Variants in ARL3 observed in about 807,000 individuals in gnomAD.
ARL3 encodes the protein ARF like GTPase 3.
Under a neutral mutation model 26.0 loss-of-function variants are expected in ARL3, and 9 were observed. The ratio of observed to expected loss-of-function variants is 0.35; its 90% CI spans 0.21 to 0.60. ARL3 has a LOEUF of 0.60. Among genes scored for constraint, ARL3 ranks in the 20% least tolerant of loss-of-function variants. The pLI is 0.78. For synonymous variants in ARL3, 71 were observed against 78.4 expected, an observed-to-expected ratio of 0.91 and a Z score of 0.50; for missense variants, 158 against 215.7, an observed-to-expected ratio of 0.73 and a Z score of 1.67.
At chr10:102,708,294 A>G (rs1426835675) in intron 1 of ARL3, among the ~76,000 whole-genome samples, 1 of 152,128 alleles carries the variant, frequency 6.6e-6, no homozygotes, top group Non-Finnish European at 1.5e-5. Flanking sequence ...CTCATTTATA[A>G]TATCACCTTT....
At chr10:102,699,329 T>C (rs756805814) in intron 3 of ARL3, 44 bp downstream of exon 3, 30 of 1,194,350 alleles carry the variant, frequency 2.5e-5, no homozygotes, top group Middle Eastern at 1.9e-4. Context: ...TTCTAACACA[T>C]GGCAGAAAAT....
At chr10:102,677,061 G>C (rs2064134120) in intron 5 of ARL3, 120 bp from the exon 6 acceptor site, 2 of 1,179,098 alleles carry the variant, frequency 1.7e-6, no homozygotes, top group Non-Finnish European at 2.5e-6. Flanking sequence ...CCAGCTTTAG[G>C]GAGTTTGCTT....
chr10:102,714,085 C>T (rs2064366048), intron 1 of ARL3, among the ~76,000 whole-genome samples, 188 bp downstream of exon 1: 1 of 152,256 alleles, frequency 6.6e-6, no homozygotes, highest in Admixed American at 6.5e-5. Flanking sequence ...CTCTCCAGGC[C>T]CAGGCCTCCC....
chr10:102,703,118 CTTTTTTT>C lies in ARL3; in HGVS notation c.147+2221_147+2227del, dbSNP rs1023724116. Among the ~76,000 whole-genome samples, 15 of 101,162 alleles carry C rather than the reference CTTTTTTT, an allele frequency of 1.5e-4. No homozygotes were observed. The Admixed American group carries it at 1.9e-3, about 13-fold the overall frequency. 66.4% of individuals were successfully genotyped at this position (101,162 alleles called of 152,430 possible). ...TACAGTTTTTCCAATCAGGTCTTGTCTTTTTTTTTTTTTTTTTTTTTTGAGACGGAGT... is the reference window on the plus strand; with the variant it reads ...TACAGTTTTTCCAATCAGGTCTTGTCTTTTTTTTTTTTTTTGAGACGGAGT... On this transcript the variant is annotated intron_variant, in intron 2 of 5. Coordinates refer to ENST00000260746, the MANE Select transcript of ARL3 (RefSeq NM_004311.4).
At chr10:102,709,646 CAAAAAA>C (rs10555496) in intron 1 of ARL3, among the ~76,000 whole-genome samples, 2 of 85,244 alleles carry the variant, frequency 2.3e-5, no homozygotes, top group East Asian at 3.4e-4. Flanking sequence ...GACTCTGTCT[CAAAAAA>C]AAAAAAAAAA....
Position 102,685,872 on chromosome 10 carries a change from G to A in ARL3, c.445C>T (p.Arg149Cys), listed in dbSNP as rs776901858. The A allele has an allele frequency of 9.3e-6, 15 of 1,613,992 alleles. No homozygotes were observed. The highest frequency in any genetic ancestry group is 8.3e-5 in the Admixed American group (5 of 59,982). ...IAEGLNLHTIRDRVWQIQSCS... is the reference protein window; with the variant it reads ...IAEGLNLHTICDRVWQIQSCS... ...GACTGGATCTGCCAGACTCGGTCGCGGATGGTATGCAGGTTCAGTCCTTCT... is the reference window on the plus strand; with the variant it reads ...GACTGGATCTGCCAGACTCGGTCGCAGATGGTATGCAGGTTCAGTCCTTCT... Residue 149 changes from arginine (R) to cysteine (C), a missense_variant, in exon 5 of 6, where the codon CGC (arginine) becomes TGC (cysteine). Coordinates refer to ENST00000260746, the MANE Select transcript of ARL3 (RefSeq NM_004311.4).
chr10:102,702,721 C>T (rs907924419), intron 2 of ARL3, among the ~76,000 whole-genome samples: 10 of 152,220 alleles, frequency 6.6e-5, no homozygotes, highest in Admixed American at 2.6e-4. Flanking sequence ...AATCTTGACA[C>T]ACTAATATGT....
At chr10:102,685,594 C>T (rs1489884712) in intron 5 of ARL3, among the ~76,000 whole-genome samples, 3 of 152,184 alleles carry the variant, frequency 2.0e-5, no homozygotes, top group Non-Finnish European at 4.4e-5. Flanking sequence ...ACATCCCTCC[C>T]AAAGGGGAAG....
intron 4 of ARL3, among the ~76,000 whole-genome samples, chr10:102,688,704 T>G (rs2135999691): frequency 6.6e-6 from 1 of 152,136 alleles, no homozygotes; most frequent in Admixed American, 6.5e-5. Context: ...GGTTTCACTG[T>G]GTTAGCCAGG....
chr10:102,693,761 C>T (rs1190728186), intron 3 of ARL3, among the ~76,000 whole-genome samples: 2 of 152,086 alleles, frequency 1.3e-5, no homozygotes, highest in Non-Finnish European at 1.5e-5. Context: ...CAGACTCAAC[C>T]TCCTGGGCTC....
chr10:102,710,130 AAAT>A (rs2064330430), intron 1 of ARL3, among the ~76,000 whole-genome samples: 1 of 152,258 alleles, frequency 6.6e-6, no homozygotes, highest in Non-Finnish European at 1.5e-5. Flanking sequence ...CCTTATTAGG[AAAT>A]AATAACTTCA....
At chr10:102,691,055 G>A (rs2064214579) in intron 3 of ARL3, among the ~76,000 whole-genome samples, 1 of 151,854 alleles carries the variant, frequency 6.6e-6, no homozygotes, top group Admixed American at 6.6e-5. Context: ...CCAAAGCAAG[G>A]GTAGGCAAAC....
At chr10:102,677,332 AC>A (rs1379512427) in intron 5 of ARL3, among the ~76,000 whole-genome samples, 1 of 152,084 alleles carries the variant, frequency 6.6e-6, no homozygotes, top group Non-Finnish European at 1.5e-5. Context: ...TCAATAAGCC[AC>A]CCTTTTGGTG....
rs1171466432 is a variant in ARL3 at position 102,676,427 on chromosome 10, T to C, written c.*467A>G. ...CTGGGCTAGTGACGGTAAAAATCACTGACAGCACCAGCAAACACTGTCTGT... is the reference window on the plus strand; with the variant it reads ...CTGGGCTAGTGACGGTAAAAATCACCGACAGCACCAGCAAACACTGTCTGT... On this transcript the variant is annotated 3_prime_UTR_variant, in exon 6 of 6. Coordinates refer to ENST00000260746, the MANE Select transcript of ARL3 (RefSeq NM_004311.4). 1 of 154,250 alleles carries C rather than the reference T, an allele frequency of 6.5e-6. No individual in the cohort carries two copies. The highest frequency in any genetic ancestry group is 1.9e-4 in the East Asian group (1 of 5,246). The allele number at this position is 154,250 out of a possible 1,614,324, so 9.6% of individuals were successfully genotyped here.
intron 1 of ARL3, among the ~76,000 whole-genome samples, chr10:102,712,768 TA>T (rs2064350337): frequency 1.3e-5 from 2 of 152,224 alleles, no homozygotes; most frequent in Non-Finnish European, 2.9e-5. Context: ...ATTCCAATTC[TA>T]GCTATTTTCT....
intron 5 of ARL3, among the ~76,000 whole-genome samples, chr10:102,678,835 G>T (rs933199319): frequency 1.3e-5 from 2 of 152,252 alleles, no homozygotes; most frequent in African/African-American, 4.8e-5. Context: ...GGCAAAGGAG[G>T]GTTCAAACGG....
intron 2 of ARL3, among the ~76,000 whole-genome samples, chr10:102,703,531 C>T (rs1343686314): frequency 6.9e-6 from 1 of 145,272 alleles, no homozygotes; most frequent in African/African-American, 2.6e-5. Flanking sequence ...GCAAGCTCCA[C>T]CTCCTGGGTT....
At chr10:102,703,559 T>A (rs2064292351) in intron 2 of ARL3, among the ~76,000 whole-genome samples, 1 of 147,036 alleles carries the variant, frequency 6.8e-6, no homozygotes, top group Non-Finnish European at 1.5e-5. Flanking sequence ...TTCTCCTGCC[T>A]CAGCCTCCCA....
intron 1 of ARL3, among the ~76,000 whole-genome samples, chr10:102,707,832 G>A (rs2064317369): frequency 6.6e-6 from 1 of 152,188 alleles, no homozygotes; most frequent in South Asian, 2.1e-4. Flanking sequence ...CAAATTCTAT[G>A]CCAAAAGATT....
Sources: gnomAD v4.1 joint callset for allele counts (sites outside exome capture counted in the v4.1 genomes callset) on GRCh38, gnomAD v4.1.1 for gene constraint, MANE v1.5 for transcripts, NCBI Gene and HGNC (gene_info 2026-07-23, HGNC 2026-07-21) for gene names.